CPEB1: variants seen among roughly 807,000 people sequenced by gnomAD.
CPEB1 encodes the protein cytoplasmic polyadenylation element-binding protein 1.
Under a neutral mutation model 65.8 loss-of-function variants are expected in CPEB1, and 7 were observed. That is an observed-to-expected ratio of 0.11 (90% CI 0.06 to 0.20). CPEB1 has a LOEUF of 0.20. Ranked by LOEUF, CPEB1 falls within the 10% of genes least tolerant of loss-of-function variation. The probability of loss-of-function intolerance (pLI) is 1.00; values close to 1 mark genes in which losing one functional copy is unlikely to be tolerated. For synonymous variants in CPEB1, 262 were observed against 260.0 expected, an observed-to-expected ratio of 1.01 and a Z score of -0.08; for missense variants, 551 against 712.2, an observed-to-expected ratio of 0.77 and a Z score of 2.58.
chr15:82,605,637 T>C (rs1200278312), intron 3 of CPEB1, among the ~76,000 whole-genome samples: 2 of 152,232 alleles, frequency 1.3e-5, no homozygotes, highest in African/African-American at 4.8e-5. Context: ...AACATCACAC[T>C]GTACACCATA....
At chr15:82,562,788 T>A (rs1442670489) in intron 4 of CPEB1, among the ~76,000 whole-genome samples, 5 of 151,284 alleles carry the variant, frequency 3.3e-5, no homozygotes, top group African/African-American at 9.7e-5. Context: ...TGGGCCATGA[T>A]CGTGCCACTG....
At chr15:82,582,407 A>C (rs541862001) in intron 3 of CPEB1, among the ~76,000 whole-genome samples, 10 of 152,340 alleles carry the variant, frequency 6.6e-5, no homozygotes, top group Admixed American at 2.0e-4. Context: ...GCCACAAAAG[A>C]AAGCAGGAAA....
intron 3 of CPEB1, among the ~76,000 whole-genome samples, chr15:82,601,497 C>G (rs562161321): frequency 6.6e-6 from 1 of 152,036 alleles, no homozygotes; most frequent in Non-Finnish European, 1.5e-5. Flanking sequence ...CCTGAGATCA[C>G]GCCACTGCAC....
At chr15:82,571,739 C>T in intron 3 of CPEB1, 1 of 1,397,600 alleles carries the variant, frequency 7.2e-7, no homozygotes, top group South Asian at 1.7e-5. Context: ...CTCACACACA[C>T]ACCCCTATCC....
intron 3 of CPEB1, among the ~76,000 whole-genome samples, chr15:82,622,415 A>C (rs958654604): frequency 6.6e-6 from 1 of 151,924 alleles, no homozygotes; most frequent in African/African-American, 2.4e-5. Flanking sequence ...GCCCCGCCAC[A>C]TCTCTCTCCA....
chr15:82,585,411 G>A (rs2041713406), intron 3 of CPEB1, among the ~76,000 whole-genome samples: 1 of 152,188 alleles, frequency 6.6e-6, no homozygotes, highest in Admixed American at 6.5e-5. Flanking sequence ...TGCAGAATAA[G>A]ACTTTCAAAA....
At position 82,590,225 on chromosome 15, in the gene CPEB1, A is replaced by C. The variant is rs1412181577; in HGVS notation, c.272-18693T>G. On this transcript the variant is annotated intron_variant, in intron 3 of 12. Coordinates refer to ENST00000684509, the MANE Select transcript of CPEB1 (RefSeq NM_001365242.1). ...TCCCTTTGACAAAAAAAAAAAAAAA[A>C]AAAAAAAAAAAAAAACAGTTGTTAG... 5.1e-4 allele frequency among the ~76,000 whole-genome samples: 77 copies of C among 151,104 alleles called. 1 individual carries two copies. Among genetic ancestry groups the C allele is most frequent in the African/African-American group, 1.6e-3 (65 of 41,308 alleles).
intron 3 of CPEB1, among the ~76,000 whole-genome samples, chr15:82,624,271 C>T (rs1412607731): frequency 6.6e-6 from 1 of 152,072 alleles, no homozygotes; most frequent in South Asian, 2.1e-4. Context: ...GCTGGGTATA[C>T]GTGAAAGGCT....
intron 3 of CPEB1, among the ~76,000 whole-genome samples, chr15:82,608,778 T>C (rs1318122119): frequency 6.6e-6 from 1 of 152,212 alleles, no homozygotes; most frequent in Non-Finnish European, 1.5e-5. Context: ...TATTTTCATT[T>C]ATTTATTTAA....
At chr15:82,639,012 A>C (rs2046888871) in intron 1 of CPEB1, among the ~76,000 whole-genome samples, 1 of 152,210 alleles carries the variant, frequency 6.6e-6, no homozygotes, top group Non-Finnish European at 1.5e-5. Flanking sequence ...GGGGGAGCAG[A>C]AATCAACCAC....
intron 3 of CPEB1, among the ~76,000 whole-genome samples, chr15:82,602,321 A>G (rs12438371): frequency 0.1 from 15,311 of 152,252 alleles, 1,012 homozygotes; most frequent in African/African-American, 0.17. Flanking sequence ...AAGACTTCAC[A>G]ACTCATAAAA....
At chr15:82,573,155 C>G (rs2040266839) in intron 3 of CPEB1, 6 of 1,535,080 alleles carry the variant, frequency 3.9e-6, no homozygotes, top group Non-Finnish European at 5.2e-6. Flanking sequence ...CTGTTCAGAA[C>G]TTCCTGCAGT....
chr15:82,595,028 T>G (rs2042568639), intron 3 of CPEB1, among the ~76,000 whole-genome samples: 5 of 152,212 alleles, frequency 3.3e-5, no homozygotes. Context: ...ATTGGAAGAA[T>G]TACCAGAATG....
chr15:82,639,254 C>T (rs750014092), intron 1 of CPEB1, among the ~76,000 whole-genome samples: 1 of 152,128 alleles, frequency 6.6e-6, no homozygotes, highest in Non-Finnish European at 1.5e-5. Flanking sequence ...AATAAAAGGA[C>T]AATAGTTATA....
chr15:82,642,687 C>T (rs1194519077), intron 1 of CPEB1, among the ~76,000 whole-genome samples: 6 of 152,216 alleles, frequency 3.9e-5, no homozygotes, highest in Non-Finnish European at 7.3e-5. Flanking sequence ...GTGCAAACCA[C>T]GTCCTACCCT....
At chr15:82,602,491 G>T (rs544862832) in intron 3 of CPEB1, among the ~76,000 whole-genome samples, 12 of 152,138 alleles carry the variant, frequency 7.9e-5, no homozygotes, top group African/African-American at 2.7e-4. Context: ...TGAGGTTACA[G>T]TAAGGTATGA....
At chr15:82,563,451 C>T (rs1234379242) in intron 4 of CPEB1, among the ~76,000 whole-genome samples, 1 of 142,136 alleles carries the variant, frequency 7.0e-6, no homozygotes, top group African/African-American at 2.6e-5. Context: ...GCAGTCTCAA[C>T]CTCCCACTTC....
chr15:82,640,325 T>C (rs1461113172), intron 1 of CPEB1, among the ~76,000 whole-genome samples: 1 of 152,154 alleles, frequency 6.6e-6, no homozygotes, highest in African/African-American at 2.4e-5. Flanking sequence ...AAAACTGCTG[T>C]GAATATTCTT....
intron 3 of CPEB1, among the ~76,000 whole-genome samples, chr15:82,593,481 T>C (rs960554821): frequency 1.3e-5 from 2 of 152,232 alleles, no homozygotes; most frequent in African/African-American, 4.8e-5. Context: ...CCTACTTCTC[T>C]TGCTATTTCC....
Sources: gnomAD v4.1 joint callset for allele counts (sites outside exome capture counted in the v4.1 genomes callset) on GRCh38, gnomAD v4.1.1 for gene constraint, MANE v1.5 for transcripts, NCBI Gene and HGNC (gene_info 2026-07-23, HGNC 2026-07-21) for gene names.